The following LEF1 variants were observed in gnomAD, a reference collection of about 807,000 sequenced individuals.
The protein encoded by LEF1 is lymphoid enhancer-binding factor 1.
LEF1 carries 14 observed loss-of-function variants against 51.2 expected under a neutral mutation model. That is an observed-to-expected ratio of 0.27 (90% confidence interval 0.18 to 0.43). The LOEUF is 0.43. Among genes scored for constraint, LEF1 ranks in the 20% least tolerant of loss-of-function variants. The pLI, the probability that LEF1 is intolerant of heterozygous loss-of-function variation, is 1.00. For synonymous variants in LEF1, 185 were observed against 183.2 expected, an observed-to-expected ratio of 1.01 and a Z score of -0.08; for missense variants, 386 against 512.0, an observed-to-expected ratio of 0.75 and a Z score of 2.37.
chr4:108,154,255 T>C (rs1440837458), intron 3 of LEF1, among the ~76,000 whole-genome samples: 4 of 152,054 alleles, frequency 2.6e-5, no homozygotes, highest in African/African-American at 9.7e-5. Flanking sequence ...CTATTTTAAA[T>C]GAAAACAAAC....
intron 11 of LEF1, among the ~76,000 whole-genome samples, chr4:108,051,260 TA>T (rs879760862): frequency 9.6e-4 from 139 of 144,494 alleles, no homozygotes; most frequent in Non-Finnish European, 9.0e-4. Context: ...GACTAGTGCT[TA>T]AAAAAAAAAA....
rs958723036 is a variant in LEF1, at chr4:108,167,136, G to A, written c.213+419C>T. ...GCACTTTTGCAGAGACATCTACCAA[G>A]AGATAGCGTGTGCACTTTGTTTTCC... On this transcript the variant is annotated intron_variant, in intron 1 of 11. Coordinates refer to ENST00000265165, the MANE Select transcript of LEF1 (RefSeq NM_016269.5). The surrounding 1 kb of genome is among the most constrained non-coding windows in gnomAD (Gnocchi z 5.7). 6.6e-6 allele frequency among the ~76,000 whole-genome samples: 1 copy of A among 152,266 alleles called. No individual in the cohort carries two copies. The highest frequency in any genetic ancestry group is 1.9e-4 in the East Asian group (1 of 5,182).
chr4:108,097,851 T>C (rs1184423128), intron 3 of LEF1, among the ~76,000 whole-genome samples: 1 of 152,138 alleles, frequency 6.6e-6, no homozygotes, highest in Non-Finnish European at 1.5e-5. Context: ...TTGATGAAAG[T>C]AGTATTTGTG....
intron 3 of LEF1, among the ~76,000 whole-genome samples, chr4:108,091,534 T>G (rs1156768876): frequency 6.6e-6 from 1 of 152,108 alleles, no homozygotes; most frequent in African/African-American, 2.4e-5. Flanking sequence ...TTTATAATTA[T>G]CAGCTCTTCT....
chr4:108,058,518 C>A (rs1415401935), intron 11 of LEF1, among the ~76,000 whole-genome samples: 1 of 152,128 alleles, frequency 6.6e-6, no homozygotes, highest in African/African-American at 2.4e-5. Flanking sequence ...TCAAACATAT[C>A]CCAAACACCA....
chr4:108,108,974 T>C (rs539427679), intron 3 of LEF1, among the ~76,000 whole-genome samples: 13 of 152,212 alleles, frequency 8.5e-5, no homozygotes, highest in Non-Finnish European at 1.5e-4. Context: ...TCAAATTCAA[T>C]AGGTCTCTCC....
At chr4:108,136,690 T>C (rs542220732) in intron 3 of LEF1, among the ~76,000 whole-genome samples, 34 of 152,286 alleles carry the variant, frequency 2.2e-4, no homozygotes, top group Admixed American at 2.2e-3. Context: ...TTAAATCTAA[T>C]AATATAGGGT....
chr4:108,141,492 C>G (rs987259004), intron 3 of LEF1, among the ~76,000 whole-genome samples: 2 of 152,132 alleles, frequency 1.3e-5, no homozygotes, highest in Non-Finnish European at 2.9e-5. Context: ...GGTAACAAAC[C>G]CGTAATCTCG....
intron 3 of LEF1, among the ~76,000 whole-genome samples, chr4:108,159,128 T>C (rs913153161): frequency 2.6e-5 from 4 of 152,296 alleles, no homozygotes; most frequent in South Asian, 2.1e-4. Context: ...ACATGTAGTA[T>C]GGCTTCCTGG....
chr4:108,064,655 T>TCACA lies in LEF1; in HGVS notation c.1117-275_1117-272dup, dbSNP rs59828005. On this transcript the variant is annotated intron_variant, in intron 9 of 11. Coordinates refer to ENST00000265165, the MANE Select transcript of LEF1 (RefSeq NM_016269.5). Reference sequence around the variant, plus strand: ...CTTTGTCTCTCTCTCTCTCTCTCACTCACACACACACACACACACACACAC... The same window carrying TCACA: ...CTTTGTCTCTCTCTCTCTCTCTCACTCACACACACACACACACACACACACACAC... Among the ~76,000 whole-genome samples, 261 of 127,920 alleles carry TCACA rather than the reference T, an allele frequency of 2.0e-3. 1 individual carries two copies. Among genetic ancestry groups the TCACA allele is most frequent in the African/African-American group, 6.0e-3 (226 of 37,580 alleles). The allele number at this position is 127,920 out of a possible 152,430, so 83.9% of individuals were successfully genotyped here. A position where few individuals can be genotyped will look rare whatever the true frequency, so the allele number is the denominator to read the frequency against.
In LEF1 at chr4:108,123,372, T is replaced by TGAA. The variant is rs1346723536; in HGVS notation, c.415-34116_415-34115insTTC. 3.9e-5 allele frequency among the ~76,000 whole-genome samples: 6 copies of TGAA among 152,192 alleles called. 1 individual carries two copies. The highest frequency in any genetic ancestry group is 1.2e-4 in the African/African-American group (5 of 41,514). On this transcript the variant is annotated intron_variant, in intron 3 of 11. Coordinates refer to ENST00000265165, the MANE Select transcript of LEF1 (RefSeq NM_016269.5). ...AGTTCCCTGGGAAGGTAGGTTTATT[T>TGAA]CTAGTTTGCCTTTACTCTAAAGATA...
intron 3 of LEF1, among the ~76,000 whole-genome samples, chr4:108,158,868 G>A (rs913082387): frequency 3.3e-5 from 5 of 152,040 alleles, no homozygotes; most frequent in African/African-American, 9.7e-5. Flanking sequence ...GGGAAGACTC[G>A]ATCAAAATAA....
chr4:108,098,502 A>AAGGGGGGGGC (rs1740535588), intron 3 of LEF1, among the ~76,000 whole-genome samples: 1 of 151,900 alleles, frequency 6.6e-6, no homozygotes, highest in Non-Finnish European at 1.5e-5. Context: ...TTCATATTCA[A>AAGGGGGGGGC]AGGGGGGGCT....
chr4:108,087,642 C>T (rs1424189177), intron 4 of LEF1, among the ~76,000 whole-genome samples: 3 of 152,040 alleles, frequency 2.0e-5, no homozygotes, highest in African/African-American at 4.8e-5. Context: ...GTTAATGTTT[C>T]GAAGAGTTTC....
At chr4:108,160,261 A>AT (rs909576089) in intron 3 of LEF1, among the ~76,000 whole-genome samples, 10 of 152,130 alleles carry the variant, frequency 6.6e-5, no homozygotes, top group Non-Finnish European at 4.4e-5. Context: ...GTAAAGAACT[A>AT]TTTTTTTCTT....
intron 3 of LEF1, among the ~76,000 whole-genome samples, chr4:108,133,501 A>G (rs945442272): frequency 1.3e-5 from 2 of 152,174 alleles, no homozygotes; most frequent in Admixed American, 6.5e-5. Context: ...TCAGTCTATC[A>G]GAGAAACCTC....
chr4:108,138,506 T>TAC (rs79489271), intron 3 of LEF1, among the ~76,000 whole-genome samples: 3,529 of 150,336 alleles, frequency 0.023, 50 homozygotes, highest in African/African-American at 0.027. Context: ...TGTGTGTGTA[T>TAC]ACACACACAC....
intron 9 of LEF1, among the ~76,000 whole-genome samples, chr4:108,067,918 G>A (rs904528014): frequency 2.0e-5 from 3 of 152,036 alleles, no homozygotes; most frequent in Non-Finnish European, 4.4e-5. Flanking sequence ...GGTAATTGCT[G>A]CTCAGAAAAC....
chr4:108,097,532 T>C (rs914311239), intron 3 of LEF1, among the ~76,000 whole-genome samples: 8 of 152,280 alleles, frequency 5.3e-5, no homozygotes, highest in East Asian at 1.9e-4. Context: ...AGCGTGACTA[T>C]AGTCAACAAT....
Sources: allele counts gnomAD v4.1 joint callset (sites outside exome capture counted in the v4.1 genomes callset), GRCh38; gene constraint gnomAD v4.1.1; non-coding constraint Gnocchi (gnomAD v3.1); transcripts MANE v1.5; gene names NCBI Gene and HGNC (gene_info 2026-07-23, HGNC 2026-07-21).